The following ANKS1B variants were observed in gnomAD, a reference collection of about 807,000 sequenced individuals.
ANKS1B encodes the protein ankyrin repeat and sterile alpha motif domain containing 1B, also known as ankyrin repeat and sterile alpha motif domain-containing protein 1B.
A neutral mutation model predicts 148.3 loss-of-function variants in ANKS1B; 36 were observed. The ratio of observed to expected loss-of-function variants is 0.24; its 90% CI spans 0.19 to 0.32. ANKS1B has a LOEUF of 0.32. ANKS1B is among the 10% of genes least tolerant of loss of function. ANKS1B has a pLI of 1.00. For synonymous variants in ANKS1B, 542 were observed against 560.8 expected (o/e 0.97, Z 0.47); for missense variants, 1,157 against 1,542.6 (o/e 0.75, Z 4.19).
chr12:99,553,293 G>A (rs116175498), intron 9 of ANKS1B, among the ~76,000 whole-genome samples: 5 of 152,200 alleles, frequency 3.3e-5, no homozygotes, highest in African/African-American at 1.2e-4. Context: ...CATTAAACCC[G>A]GTTGGGGTTT....
intron 13 of ANKS1B, among the ~76,000 whole-genome samples, chr12:99,245,975 T>C (rs955076162): frequency 7.2e-5 from 11 of 152,194 alleles, no homozygotes; most frequent in Admixed American, 2.0e-4. Context: ...ATTTGTCAGC[T>C]GCAGTGCTTG....
chr12:98,997,124 T>A (rs1266729881), intron 17 of ANKS1B, among the ~76,000 whole-genome samples: 1 of 152,066 alleles, frequency 6.6e-6, no homozygotes, highest in Non-Finnish European at 1.5e-5. Context: ...CACTATAAAA[T>A]TTTACCCCAA....
intron 17 of ANKS1B, among the ~76,000 whole-genome samples, chr12:98,874,609 G>A (rs1012993595): frequency 6.6e-6 from 1 of 152,082 alleles, no homozygotes; most frequent in African/African-American, 2.4e-5. Flanking sequence ...AAAAAAGGAA[G>A]AATAAGAGTG....
chr12:99,814,493 A>C (rs2068849214), intron 2 of ANKS1B, among the ~76,000 whole-genome samples: 1 of 151,806 alleles, frequency 6.6e-6, no homozygotes, highest in Non-Finnish European at 1.5e-5. Context: ...AAGGTTATCC[A>C]GTTCACACGC....
intron 22 of ANKS1B, among the ~76,000 whole-genome samples, chr12:98,788,306 G>A (rs2098816428): frequency 2.0e-5 from 3 of 151,896 alleles, no homozygotes; most frequent in South Asian, 4.2e-4. Context: ...TCTCAAGGAG[G>A]CAAGGCTTAG....
chr12:99,397,522 C>T lies in ANKS1B; in HGVS notation c.1756+2109G>A, dbSNP rs187535615. On this transcript the variant is annotated intron_variant, in intron 12 of 26. Coordinates refer to ENST00000683438, the MANE Select transcript of ANKS1B (RefSeq NM_001352186.2). ...AGATAAGGCTATGGATAAAAGAAAA[C>T]GGGATGATTTGATAGAAGTGACTAG... 5.8e-3 allele frequency among the ~76,000 whole-genome samples: 882 copies of T among 151,998 alleles called. 10 individuals are homozygous for T. The highest frequency in any genetic ancestry group is 0.02 in the African/African-American group (828 of 41,446).
At chr12:99,723,144 A>G (rs1254321539) in intron 8 of ANKS1B, among the ~76,000 whole-genome samples, 1 of 152,110 alleles carries the variant, frequency 6.6e-6, no homozygotes, top group East Asian at 1.9e-4. Context: ...CCCGGTGGGG[A>G]GGGGCGACTA....
chr12:99,769,703 T>C (rs887814261), intron 8 of ANKS1B, among the ~76,000 whole-genome samples: 1 of 152,218 alleles, frequency 6.6e-6, no homozygotes, highest in African/African-American at 2.4e-5. Context: ...GGAGAAATAA[T>C]ACTATCCTTT....
In ANKS1B at chr12:99,320,020, C is replaced by T. The variant is rs182898488; in HGVS notation, c.1757-73156G>A. On this transcript the variant is annotated intron_variant, in intron 12 of 26. Coordinates refer to ENST00000683438, the MANE Select transcript of ANKS1B (RefSeq NM_001352186.2). ...TCTTTAAGAATGTTGAATATTGGCC[C>T]CCACTCTCTTCTGGCTTGTAGAGCT... Among the ~76,000 whole-genome samples, 671 of 152,264 alleles carry T rather than the reference C, an allele frequency of 4.4e-3. 19 individuals are homozygous for T. Among genetic ancestry groups the T allele is most frequent in the Non-Finnish European group, 1.0e-3 (70 of 68,010 alleles).
At chr12:99,112,889 CT>C (rs1359375492) in intron 15 of ANKS1B, among the ~76,000 whole-genome samples, 2 of 152,146 alleles carry the variant, frequency 1.3e-5, no homozygotes, top group Non-Finnish European at 2.9e-5. Context: ...ATTAGTTGCT[CT>C]TTCTATATCA....
At chr12:99,190,434 T>G (rs1350208610) in intron 14 of ANKS1B, among the ~76,000 whole-genome samples, 1 of 152,170 alleles carries the variant, frequency 6.6e-6, no homozygotes, top group African/African-American at 2.4e-5. Context: ...GCTACCTGAC[T>G]TCAAACTATA....
At chr12:99,502,603 A>G (rs778437556) in intron 10 of ANKS1B, among the ~76,000 whole-genome samples, 18 of 152,080 alleles carry the variant, frequency 1.2e-4, no homozygotes, top group Non-Finnish European at 2.4e-4. Context: ...TCAAGTACCA[A>G]ATCTACCCCT....
chr12:99,219,004 G>A (rs2084673222), intron 14 of ANKS1B, among the ~76,000 whole-genome samples: 4 of 152,122 alleles, frequency 2.6e-5, no homozygotes, highest in Non-Finnish European at 5.9e-5. Context: ...CTCTAATTCA[G>A]CTTGATTGAC....
intron 12 of ANKS1B, among the ~76,000 whole-genome samples, chr12:99,339,567 T>C (rs1392727474): frequency 6.6e-6 from 1 of 152,078 alleles, no homozygotes; most frequent in African/African-American, 2.4e-5. Context: ...GGTGGGGGAG[T>C]ACAATCGCTG....
chr12:98,965,533 A>T (rs1018828971), intron 17 of ANKS1B, among the ~76,000 whole-genome samples: 3 of 152,200 alleles, frequency 2.0e-5, no homozygotes, highest in Non-Finnish European at 4.4e-5. Flanking sequence ...TCTGAGCAGC[A>T]TTTATGATAC....
intron 8 of ANKS1B, among the ~76,000 whole-genome samples, chr12:99,675,542 CTATT>C (rs1179986611): frequency 6.6e-6 from 1 of 151,316 alleles, no homozygotes; most frequent in Admixed American, 6.6e-5. Flanking sequence ...AAATAATGGC[CTATT>C]TAAATTTTTT....
intron 17 of ANKS1B, among the ~76,000 whole-genome samples, chr12:98,973,828 ATATC>A (rs927516431): frequency 2.6e-5 from 4 of 152,138 alleles, no homozygotes; most frequent in South Asian, 2.1e-4. Context: ...ATATCTATCT[ATATC>A]TATCACAGAT....
chr12:99,678,085 T>C (rs2098591668), intron 8 of ANKS1B, among the ~76,000 whole-genome samples: 1 of 152,238 alleles, frequency 6.6e-6, no homozygotes, highest in South Asian at 2.1e-4. Flanking sequence ...CATTACTCTG[T>C]TGTGGTGTAC....
chr12:99,165,848 T>C (rs1252814276), intron 14 of ANKS1B, among the ~76,000 whole-genome samples: 1 of 151,878 alleles, frequency 6.6e-6, no homozygotes, highest in African/African-American at 2.4e-5. Context: ...TATGTATTAG[T>C]GTCTGTCATA....
Sources: allele counts gnomAD v4.1 joint callset (sites outside exome capture counted in the v4.1 genomes callset), GRCh38; gene constraint gnomAD v4.1.1; transcripts MANE v1.5; gene names NCBI Gene and HGNC (gene_info 2026-07-23, HGNC 2026-07-21).